The following SCAMP4 variants were observed in gnomAD, a reference collection of about 807,000 sequenced individuals.
SCAMP4 encodes the protein secretory carrier-associated membrane protein 4.
In SCAMP4, 19 loss-of-function variants were observed where a neutral mutation model predicts 32.1. The observed-to-expected ratio is 0.59, with a 90% CI of 0.41 to 0.87. The LOEUF is 0.87. Among genes scored for constraint, SCAMP4 ranks in the 40% least tolerant of loss-of-function variants. The pLI, the probability that SCAMP4 is intolerant of heterozygous loss-of-function variation, is 0.00. For synonymous variants in SCAMP4, 152 were observed against 132.7 expected, an observed-to-expected ratio of 1.15 and a Z score of -1.00; for missense variants, 302 against 309.0, an observed-to-expected ratio of 0.98 and a Z score of 0.17.
chr19:1,924,105 C>G lies in SCAMP4; in HGVS notation c.514-3C>G, dbSNP rs376784910. The G allele has an allele frequency of 4.1e-5, 66 of 1,602,808 alleles. No individual in the cohort carries two copies. Among genetic ancestry groups the G allele is most frequent in the Non-Finnish European group, 5.6e-5 (66 of 1,176,362 alleles). On this transcript the variant is annotated splice_region_variant and splice_polypyrimidine_tract_variant and intron_variant, in intron 6 of 6. Transcript: ENST00000316097. ...TCTGCCTCCCTGTCCTCTGTCCTTGCAGGTGCACAGGATCTACCGAGGGGC... is the reference window on the plus strand; with the variant it reads ...TCTGCCTCCCTGTCCTCTGTCCTTGGAGGTGCACAGGATCTACCGAGGGGC...
chr19:1,916,590 C>T (rs1263888347), intron 2 of SCAMP4, among the ~76,000 whole-genome samples: 1 of 152,154 alleles, frequency 6.6e-6, no homozygotes, highest in Non-Finnish European at 1.5e-5. Context: ...TCCCGAGAAG[C>T]TGGGACCACA....
intron 1 of SCAMP4, among the ~76,000 whole-genome samples, chr19:1,910,575 CTTTTTTTT>C (rs11350651): frequency 2.1e-5 from 2 of 95,090 alleles, no homozygotes; most frequent in Non-Finnish European, 4.4e-5. Context: ...TTTGAGGTGT[CTTTTTTTT>C]TTTTTTTTTT....
In SCAMP4 at chr19:1,911,397, C is replaced by G. The variant is rs760907221; in HGVS notation, c.-41-3582C>G. Among the ~76,000 whole-genome samples the G allele has an allele frequency of 2.0e-5, 3 of 152,036 alleles. No homozygotes were observed. The South Asian group carries it at 6.2e-4, about 31-fold the overall frequency. On this transcript the variant is annotated intron_variant, in intron 1 of 6. Transcript: ENST00000316097. ...ATGTTGCCTAGGCTGGTCTTAAACTCCTGGGCTCAAGTGATCCCCCCACCT... is the reference window on the plus strand; with the variant it reads ...ATGTTGCCTAGGCTGGTCTTAAACTGCTGGGCTCAAGTGATCCCCCCACCT...
In SCAMP4 at chr19:1,925,943, C is replaced by T. The variant is rs8730; in HGVS notation, c.*1659C>T. 0.49 allele frequency: 70,123 copies of T among 144,328 alleles called. 20,224 individuals are homozygous for T. Among genetic ancestry groups the T allele is most frequent in the Non-Finnish European group, 0.65 (43,618 of 66,672 alleles). 8.9% of individuals were successfully genotyped at this position (144,328 alleles called of 1,614,324 possible). A position where few individuals can be genotyped will look rare whatever the true frequency, so the allele number is the denominator to read the frequency against. ...CCACCCCTCCCCCGCCGTGTGTGGC[C>T]CCTCGCCGCATCGTTGGGGTTTTGT... On this transcript the variant is annotated 3_prime_UTR_variant, in exon 7 of 7. Transcript: ENST00000316097.
intron 2 of SCAMP4, among the ~76,000 whole-genome samples, chr19:1,917,075 G>A (rs939220464): frequency 2.6e-5 from 4 of 152,198 alleles, no homozygotes; most frequent in African/African-American, 7.2e-5. Context: ...AGAGGTGGGC[G>A]GATTATTTGA....
chr19:1,912,942 G>A lies in SCAMP4; in HGVS notation c.-41-2037G>A. On this transcript the variant is annotated intron_variant, in intron 1 of 6. Transcript: ENST00000316097. ...CCTCCCCTACCTGTGCACTGGCTAC[G>A]ACCTGTACGTGACCCGCGAGCCCTG... 2 of 1,610,346 alleles carry A rather than the reference G, an allele frequency of 1.2e-6. No individual in the cohort carries two copies. Among genetic ancestry groups the A allele is most frequent in the African/African-American group, 1.3e-5 (1 of 75,018 alleles).
chr19:1,918,832 G>A, intron 4 of SCAMP4, 57 bp from the exon 5 acceptor site: 2 of 1,559,134 alleles, frequency 1.3e-6, no homozygotes, highest in Non-Finnish European at 1.7e-6. Context: ...TCCTCTCTAG[G>A]CGCGTCTGGG....
At chr19:1,913,752 G>A (rs923734458) in intron 1 of SCAMP4, among the ~76,000 whole-genome samples, 6 of 152,244 alleles carry the variant, frequency 3.9e-5, no homozygotes, top group African/African-American at 9.6e-5. Context: ...GGACCCCAAA[G>A]GGCTGATGCT....
chr19:1,915,687 C>G (rs936392029), intron 2 of SCAMP4: 2 of 153,458 alleles, frequency 1.3e-5, no homozygotes, highest in African/African-American at 2.4e-5. Context: ...TGGCTCACGC[C>G]TGTAATCCCA....
intron 1 of SCAMP4, chr19:1,912,124 AGCCCAAGT>A: frequency 6.5e-7 from 1 of 1,544,668 alleles, no homozygotes; most frequent in East Asian, 2.4e-5. Context: ...CTCGTGGAGC[AGCCCAAGT>A]GCTTGGAGGC....
intron 1 of SCAMP4, among the ~76,000 whole-genome samples, chr19:1,909,708 G>T (rs1370034073): frequency 6.6e-6 from 1 of 152,154 alleles, no homozygotes; most frequent in Non-Finnish European, 1.5e-5. Flanking sequence ...ATGTTAGCAG[G>T]AGCCCCGGGA....
At position 1,925,600 on chromosome 19, in the gene SCAMP4, A is replaced by T. The variant is rs1258767001; in HGVS notation, c.*1316A>T. The T allele has an allele frequency of 1.3e-5, 2 of 152,792 alleles. No individual in the cohort carries two copies. Among genetic ancestry groups the T allele is most frequent in the Non-Finnish European group, 2.9e-5 (2 of 68,190 alleles). The allele number at this position is 152,792 out of a possible 1,614,324, so 9.5% of individuals were successfully genotyped here. ...TCATTTCCTGCACTCGCTGACCACAACTTTGGACACCCCAGGCTGCCACCC... is the reference window on the plus strand; with the variant it reads ...TCATTTCCTGCACTCGCTGACCACATCTTTGGACACCCCAGGCTGCCACCC... On this transcript the variant is annotated 3_prime_UTR_variant, in exon 7 of 7. Transcript: ENST00000316097.
chr19:1,922,796 G>A (rs926395039), intron 5 of SCAMP4: 3 of 1,119,136 alleles, frequency 2.7e-6, no homozygotes, highest in African/African-American at 1.6e-5. Context: ...CTGCGATGGT[G>A]AAGGGATAAG....
chr19:1,913,066 A>G, intron 1 of SCAMP4: 5 of 1,602,502 alleles, frequency 3.1e-6, no homozygotes, highest in Non-Finnish European at 4.2e-6. Context: ...TTCCGCATCC[A>G]CGCACGGCCC....
chr19:1,911,986 G>A, intron 1 of SCAMP4: 3 of 1,411,480 alleles, frequency 2.1e-6, no homozygotes, highest in South Asian at 1.5e-5. Context: ...GCCCTGCCTT[G>A]TGGAGCCACG....
intron 1 of SCAMP4, among the ~76,000 whole-genome samples, chr19:1,910,123 G>C (rs1205883713): frequency 6.6e-6 from 1 of 152,182 alleles, no homozygotes; most frequent in Non-Finnish European, 1.5e-5. Flanking sequence ...GCCAGCTCCC[G>C]GTTCTGTGGG....
In SCAMP4 at chr19:1,920,982, T is replaced by C. The variant is rs532649814; in HGVS notation, c.395+1992T>C. On this transcript the variant is annotated intron_variant, in intron 5 of 6. Coordinates refer to ENST00000316097, the MANE Select transcript of SCAMP4 (RefSeq NM_079834.4). ...CGCAGGTCACGGGAGAAGCTGAGCA[T>C]GCGGTCCCTGCCCGAGGTGGACAGA... is the stretch of plus-strand genomic sequence containing the variant. 6.1e-5 allele frequency: 60 copies of C among 985,376 alleles called. No individual in the cohort carries two copies. The African/African-American group carries it at 9.4e-4, about 15-fold the overall frequency. 61.0% of individuals were successfully genotyped at this position (985,376 alleles called of 1,614,324 possible).
chr19:1,922,675 AGCAG>A, intron 5 of SCAMP4: 1 of 989,602 alleles, frequency 1.0e-6, no homozygotes, highest in East Asian at 1.1e-4. Context: ...GGTTCTTAGT[AGCAG>A]GCTCAGTGGG....
In SCAMP4 at chr19:1,908,144, G is replaced by T. The variant is rs958206965; in HGVS notation, c.-42+2705G>T. On this transcript the variant is annotated intron_variant, in intron 1 of 6. Transcript: ENST00000316097. This position sits in a 1 kb window ranked among gnomAD's most constrained non-coding sequence, Gnocchi z 4.2. The stretch of plus-strand genomic sequence containing the variant: ...CCGTGCGGGCCTCTCGGTCCTGGTC[G>T]CGCGTGGTGTGCGTTTTGGGAGGGC... The T allele has an allele frequency of 7.9e-5, 20 of 252,512 alleles. No individual in the cohort carries two copies. The highest frequency in any genetic ancestry group is 2.4e-5 in the Non-Finnish European group (3 of 127,098). 15.6% of individuals were successfully genotyped at this position (252,512 alleles called of 1,614,324 possible).
Sources: allele counts gnomAD v4.1 joint callset (sites outside exome capture counted in the v4.1 genomes callset), GRCh38; gene constraint gnomAD v4.1.1; non-coding constraint Gnocchi (gnomAD v3.1); transcripts MANE v1.5; gene names NCBI Gene and HGNC (gene_info 2026-07-23, HGNC 2026-07-21).